ALG9: variants seen among roughly 807,000 people sequenced by gnomAD.
ALG9 encodes the protein alpha-1,2-mannosyltransferase ALG9.
A neutral mutation model predicts 81.8 loss-of-function variants in ALG9; 55 were observed. The observed-to-expected ratio is 0.67, with a 90% CI of 0.54 to 0.84. The LOEUF is 0.84. ALG9 is among the 40% of genes least tolerant of loss of function. The probability of loss-of-function intolerance (pLI) is 0.00; values close to 1 mark genes in which losing one functional copy is unlikely to be tolerated. For missense variants in ALG9, 629 were observed against 745.0 expected (o/e 0.84, Z 1.81); for synonymous variants, 278 against 274.3 (o/e 1.01, Z -0.13).
chr11:111,792,251 C>G (rs1175859415), intron 14 of ALG9, among the ~76,000 whole-genome samples: 1 of 152,170 alleles, frequency 6.6e-6, no homozygotes, highest in African/African-American at 2.4e-5. Context: ...TGCCCTCCCC[C>G]ACAAAACACA....
At chr11:111,778,742 C>T (rs1555055978), downstream of ALG9, among the ~76,000 whole-genome samples, 1 of 151,918 alleles carries the variant, frequency 6.6e-6, no homozygotes, top group African/African-American at 2.4e-5. Context: ...ATAATGGATG[C>T]CTGGGCCCAC....
chr11:111,772,645 C>T, the ALG9 span, among the ~76,000 whole-genome samples: 3 of 152,176 alleles, frequency 2.0e-5, no homozygotes, highest in East Asian at 1.9e-4. Flanking sequence ...TTAAATAATT[C>T]ATATAAAGTG....
At chr11:111,815,847 A>G (rs1323626270) in intron 13 of ALG9, among the ~76,000 whole-genome samples, 1 of 152,234 alleles carries the variant, frequency 6.6e-6, no homozygotes, top group Non-Finnish European at 1.5e-5. Flanking sequence ...GACCAGCTCT[A>G]TGAAATGTGA....
At chr11:111,802,501 T>C (rs1555081289) in intron 14 of ALG9, among the ~76,000 whole-genome samples, 1 of 152,174 alleles carries the variant, frequency 6.6e-6, no homozygotes, top group African/African-American at 2.4e-5. Context: ...GAGAATAGAT[T>C]AGCGGGATGC....
chr11:111,830,327 C>T (rs1555112533), intron 13 of ALG9, among the ~76,000 whole-genome samples: 2 of 152,192 alleles, frequency 1.3e-5, no homozygotes, highest in Admixed American at 6.5e-5. Context: ...TAGTTGTCCT[C>T]CAGAGCCACA....
At chr11:111,815,096 G>T (rs7109659) in intron 13 of ALG9, among the ~76,000 whole-genome samples, 3 of 152,094 alleles carry the variant, frequency 2.0e-5, no homozygotes, top group Non-Finnish European at 2.9e-5. Flanking sequence ...GATGTGGGTG[G>T]TAACTAATTA....
chr11:111,811,460 T>C (rs1950697181), intron 13 of ALG9, among the ~76,000 whole-genome samples: 1 of 151,758 alleles, frequency 6.6e-6, no homozygotes, highest in South Asian at 2.1e-4. Flanking sequence ...GGAGAATTGT[T>C]TGAACCTGGG....
intron 4 of ALG9, among the ~76,000 whole-genome samples, chr11:111,861,799 A>T (rs1555148204): frequency 6.6e-6 from 1 of 150,988 alleles, no homozygotes; most frequent in Non-Finnish European, 1.5e-5. Context: ...TTTTTTTTTT[A>T]AACTGAAAAG....
At chr11:111,793,780 G>T (rs942190355) in intron 14 of ALG9, among the ~76,000 whole-genome samples, 13 of 149,434 alleles carry the variant, frequency 8.7e-5, no homozygotes, top group Non-Finnish European at 1.8e-4. Flanking sequence ...AAAAAAAAAG[G>T]AAAGAGCAGT....
Position 111,836,202 on chromosome 11 carries a change from T to C in ALG9, c.1565A>G (p.Asp522Gly), listed in dbSNP as rs1955233710. 4 of 1,614,042 alleles carry C rather than the reference T, an allele frequency of 2.5e-6. No homozygotes were observed. Among genetic ancestry groups the C allele is most frequent in the Non-Finnish European group, 3.4e-6 (4 of 1,179,920 alleles). Residue 522 changes from aspartate to glycine, a missense_variant, in exon 13 of 15, where the codon GAC becomes GGC. By Grantham distance (94) the Asp-to-Gly change is moderately conservative (BLOSUM62 -1). Coordinates refer to ENST00000616540, the MANE Select transcript of ALG9 (RefSeq NM_024740.2). ...CTCTTCTAGATTCTGGTCATTCATG[T>C]CAGTAGGAACAATCCGGGTGGCCAG... ...GPLATRIVPT[D>G]MNDQNLEEPS...
intron 9 of ALG9, among the ~76,000 whole-genome samples, chr11:111,841,608 T>C (rs898525868): frequency 5.3e-5 from 8 of 152,216 alleles, no homozygotes; most frequent in Non-Finnish European, 1.2e-4. Context: ...GGAGTGATAA[T>C]GAGCAACGCA....
At chr11:111,820,415 G>A (rs1022249214) in intron 13 of ALG9, among the ~76,000 whole-genome samples, 15 of 152,220 alleles carry the variant, frequency 9.9e-5, no homozygotes, top group Middle Eastern at 3.2e-3. Context: ...GGCAAAGACA[G>A]GGCAAGAGAC....
chr11:111,854,084 C>T (rs552745333), intron 6 of ALG9, among the ~76,000 whole-genome samples: 7 of 149,662 alleles, frequency 4.7e-5, no homozygotes. Context: ...TAGTAATAAC[C>T]TTATTACAGA....
At chr11:111,860,465 T>C (rs548139593) in intron 5 of ALG9, 82 bp downstream of exon 5, 5 of 1,131,694 alleles carry the variant, frequency 4.4e-6, no homozygotes, top group East Asian at 2.3e-5. Flanking sequence ...CTGTGAACTA[T>C]TGGTGAACCT....
chr11:111,864,266 T>G, intron 4 of ALG9: 1 of 1,128,428 alleles, frequency 8.9e-7, no homozygotes, highest in Non-Finnish European at 1.3e-6. Flanking sequence ...GTCTGGCTCC[T>G]CCAGCGTTGC....
intron 13 of ALG9, among the ~76,000 whole-genome samples, chr11:111,822,596 C>A (rs913035028): frequency 6.6e-6 from 1 of 151,794 alleles, no homozygotes; most frequent in Admixed American, 6.6e-5. Context: ...ACCTGTAGTC[C>A]CAGCTACTCA....
chr11:111,812,149 A>C (rs1950812239), intron 13 of ALG9, among the ~76,000 whole-genome samples: 1 of 152,264 alleles, frequency 6.6e-6, no homozygotes, highest in South Asian at 2.1e-4. Flanking sequence ...AATTCTAAAC[A>C]AATTGATTGA....
At chr11:111,824,777 T>C (rs1555106861) in intron 13 of ALG9, among the ~76,000 whole-genome samples, 2 of 152,196 alleles carry the variant, frequency 1.3e-5, no homozygotes, top group Non-Finnish European at 2.9e-5. Flanking sequence ...CAGAAGAATA[T>C]AAATTCAATA....
the ALG9 span, among the ~76,000 whole-genome samples, chr11:111,771,994 C>A: frequency 6.6e-6 from 1 of 152,236 alleles, no homozygotes; most frequent in Admixed American, 6.5e-5. Flanking sequence ...AGGTGCAGAA[C>A]TCATAATCAG....
Sources: gnomAD v4.1 joint callset for allele counts (sites outside exome capture counted in the v4.1 genomes callset) on GRCh38, gnomAD v4.1.1 for gene constraint, MANE v1.5 for transcripts, NCBI Gene and HGNC (gene_info 2026-07-23, HGNC 2026-07-21) for gene names.